The following ADGRA2 variants were observed in gnomAD, a reference collection of about 807,000 sequenced individuals.
The protein encoded by ADGRA2 is adhesion G protein-coupled receptor A2, also known as G-protein coupled receptor 124.
ADGRA2 carries 61 observed loss-of-function variants against 98.7 expected under a neutral mutation model. The observed-to-expected ratio is 0.62, with a 90% confidence interval of 0.50 to 0.76. The LOEUF is 0.76. Ranked by LOEUF, ADGRA2 falls within the 30% of genes least tolerant of loss-of-function variation. ADGRA2 has a pLI of 0.00. For missense variants in ADGRA2, 1,712 were observed against 1,860.0 expected, an observed-to-expected ratio of 0.92 and a Z score of 1.46; for synonymous variants, 858 against 831.5, an observed-to-expected ratio of 1.03 and a Z score of -0.55.
Position 37,830,791 on chromosome 8 carries a change from A to C in ADGRA2, c.800A>C (p.Gln267Pro), listed in dbSNP as rs1585398027. Residue 267 changes from glutamine (Q) to proline (P), a missense_variant, in exon 7 of 19, where the codon CAG (glutamine) becomes CCG (proline). Gln to Pro is a moderately conservative substitution (Grantham distance 76). Coordinates refer to ENST00000412232, the MANE Select transcript of ADGRA2 (RefSeq NM_032777.10). The surrounding 1 kb of genome is among the most constrained non-coding windows in gnomAD (Gnocchi z 4.8). The stretch of plus-strand genomic sequence containing the variant: ...TTCCAGGGGGATCGGCTGCCCTTCC[A>C]GTGCTCTGCCAGCTACCTGGGCAAC... ...VVFQGDRLPFQCSASYLGNDT... is the reference protein window; with the variant it reads ...VVFQGDRLPFPCSASYLGNDT... 1 of 1,595,460 alleles carries C rather than the reference A, an allele frequency of 6.3e-7. No homozygotes were observed. Among genetic ancestry groups the C allele is most frequent in the Non-Finnish European group, 8.5e-7 (1 of 1,171,774 alleles).
rs60565183 is a variant in ADGRA2, at chr8:37,804,100, G to GACACACACACACACACACACACACAC, written c.266+6593_266+6618dup. On this transcript the variant is annotated intron_variant, in intron 1 of 18. Coordinates refer to ENST00000412232, the MANE Select transcript of ADGRA2 (RefSeq NM_032777.10). ...GGAGGGGCCAGCCTGCCCACGGTGA[G>GACACACACACACACACACACACACAC]ACACACACACACACACACACACACA... is the stretch of plus-strand genomic sequence containing the variant. Among the ~76,000 whole-genome samples the GACACACACACACACACACACACACAC allele has an allele frequency of 4.3e-4, 46 of 107,192 alleles. 2 individuals are homozygous for GACACACACACACACACACACACACAC. The highest frequency in any genetic ancestry group is 2.5e-3 in the East Asian group (7 of 2,758). The allele number at this position is 107,192 out of a possible 152,430, so 70.3% of individuals were successfully genotyped here. A position where few individuals can be genotyped will look rare whatever the true frequency, so the allele number is the denominator to read the frequency against.
chr8:37,808,413 G>A (rs1804738683), intron 1 of ADGRA2, among the ~76,000 whole-genome samples: 1 of 152,174 alleles, frequency 6.6e-6, no homozygotes, highest in Non-Finnish European at 1.5e-5. Flanking sequence ...GTTGAAGAGG[G>A]CCGAGGCTGA....
rs1181303930 is a variant in ADGRA2 at position 37,837,854 on chromosome 8, C to T, written c.2174C>T (p.Thr725Ile). 1 of 1,509,110 alleles carries T rather than the reference C, an allele frequency of 6.6e-7. No individual in the cohort carries two copies. Among genetic ancestry groups the T allele is most frequent in the Admixed American group, 2.2e-5 (1 of 45,832 alleles). 93.5% of individuals were successfully genotyped at this position (1,509,110 alleles called of 1,614,324 possible). A position where few individuals can be genotyped will look rare whatever the true frequency, so the allele number is the denominator to read the frequency against. ...GGGCCCGGGGAGGCTGGGGGCTGGA[C>T]CTCGGAGGGCTGCCAGCTCCGCTCC... is the stretch of plus-strand genomic sequence containing the variant. ...QEGPGEAGGW[T>I]SEGCQLRSSQ... Residue 725 changes from threonine to isoleucine, a missense_variant, in exon 14 of 19, where the codon ACC becomes ATC. Coordinates refer to ENST00000412232, the MANE Select transcript of ADGRA2 (RefSeq NM_032777.10).
Position 37,829,849 on chromosome 8 carries a change from A to C in ADGRA2, c.555-2A>C. 6.2e-7 allele frequency: 1 copy of C among 1,609,354 alleles called. No homozygotes were observed. The highest frequency in any genetic ancestry group is 1.1e-5 in the South Asian group (1 of 90,486). ...TCCGTGACCCCTCTGCCCACCCTGC[A>C]GGGACTTGGGCACCGAGTTCCTGAC... On this transcript the variant is annotated splice_acceptor_variant, in intron 5 of 18. Coordinates refer to ENST00000412232, the MANE Select transcript of ADGRA2 (RefSeq NM_032777.10). LOFTEE classifies it high-confidence loss of function.
chr8:37,838,151 A>G (rs1024955235), intron 14 of ADGRA2, among the ~76,000 whole-genome samples: 2 of 152,004 alleles, frequency 1.3e-5, no homozygotes, highest in African/African-American at 4.8e-5. Context: ...TCCGGCCTCC[A>G]TGCCTATATC....
At chr8:37,813,259 G>T (rs1385137025) in intron 1 of ADGRA2, among the ~76,000 whole-genome samples, 1 of 152,086 alleles carries the variant, frequency 6.6e-6, no homozygotes, top group African/African-American at 2.4e-5. Flanking sequence ...CTTTTAAAGA[G>T]CCTGTCACCA....
intron 1 of ADGRA2, among the ~76,000 whole-genome samples, chr8:37,800,679 C>G (rs1168758033): frequency 6.6e-6 from 1 of 152,170 alleles, no homozygotes; most frequent in Non-Finnish European, 1.5e-5. Context: ...AGGTATCGCT[C>G]TCTGAGCCCC....
At chr8:37,831,647 A>T in intron 8 of ADGRA2, 60 bp downstream of exon 8, 8 of 1,478,950 alleles carry the variant, frequency 5.4e-6, no homozygotes, top group Non-Finnish European at 7.5e-6. Context: ...CTTGCACCTG[A>T]CATCACAGGT....
intron 7 of ADGRA2, 146 bp downstream of exon 7, chr8:37,831,069 C>T: frequency 1.6e-6 from 1 of 630,914 alleles, no homozygotes; most frequent in Non-Finnish European, 2.8e-6. Context: ...ACTAAGTTAT[C>T]AATGGTCTAG....
In ADGRA2 at chr8:37,797,126, G is replaced by A; in HGVS notation, c.-143G>A. ...CCCGGGGCGCGGCGGCGGGGACCCC[G>A]GGGCTCGCCTCCGCCCAGGGCCCCC... On this transcript the variant is annotated 5_prime_UTR_variant, in exon 1 of 19. Coordinates refer to ENST00000412232, the MANE Select transcript of ADGRA2 (RefSeq NM_032777.10). This position sits in a 1 kb window ranked among gnomAD's most constrained non-coding sequence, Gnocchi z 5.3. 6.4e-6 allele frequency: 3 copies of A among 467,050 alleles called. 1 individual carries two copies. The East Asian group carries it at 2.0e-4, about 30-fold the overall frequency. The allele number at this position is 467,050 out of a possible 1,614,324, so 28.9% of individuals were successfully genotyped here.
Position 37,842,360 on chromosome 8 carries a change from G to T in ADGRA2, c.*5G>T. On this transcript the variant is annotated 3_prime_UTR_variant, in exon 19 of 19. Coordinates refer to ENST00000412232, the MANE Select transcript of ADGRA2 (RefSeq NM_032777.10). Reference sequence around the variant, plus strand: ...AAGAGCGAAACTACCGTCTAAGGTGGGGCGGGCGACGCGGTAGACGGGCTG... The same window carrying T: ...AAGAGCGAAACTACCGTCTAAGGTGTGGCGGGCGACGCGGTAGACGGGCTG... 6.8e-7 allele frequency: 1 copy of T among 1,464,598 alleles called. No homozygotes were observed. The highest frequency in any genetic ancestry group is 9.0e-7 in the Non-Finnish European group (1 of 1,110,808). The allele number at this position is 1,464,598 out of a possible 1,614,324, so 90.7% of individuals were successfully genotyped here.
At chr8:37,807,804 C>A (rs1019090443) in intron 1 of ADGRA2, among the ~76,000 whole-genome samples, 2 of 152,122 alleles carry the variant, frequency 1.3e-5, no homozygotes, top group African/African-American at 4.8e-5. Flanking sequence ...GGATCAGACT[C>A]CCTAGGGAGT....
At position 37,843,409 on chromosome 8, in the gene ADGRA2, G is replaced by A. The variant is rs1805873916; in HGVS notation, c.*1054G>A. 1 of 152,298 alleles carries A rather than the reference G, an allele frequency of 6.6e-6. No individual in the cohort carries two copies. The highest frequency in any genetic ancestry group is 1.5e-5 in the Non-Finnish European group (1 of 68,104). The allele number at this position is 152,298 out of a possible 1,614,324, so 9.4% of individuals were successfully genotyped here. ...TGTCAAACCAGCTTCCCGACTCCCA[G>A]GAGCTCAAGCCAAGCCCAGAGGCAG... is the stretch of plus-strand genomic sequence containing the variant. On this transcript the variant is annotated 3_prime_UTR_variant, in exon 19 of 19. Coordinates refer to ENST00000412232, the MANE Select transcript of ADGRA2 (RefSeq NM_032777.10).
Position 37,829,498 on chromosome 8 carries a change from G to A in ADGRA2, c.493G>A (p.Gly165Arg), listed in dbSNP as rs1262885491. 1 of 1,613,152 alleles carries A rather than the reference G, an allele frequency of 6.2e-7. No individual in the cohort carries two copies. The highest frequency in any genetic ancestry group is 2.2e-5 in the East Asian group (1 of 44,876). Reference sequence around the variant, plus strand: ...CCCTGTTCCCTGCAGAAACATATCTGGAAACATCTTCTCCAGTCTGCAACC... The same window carrying A: ...CCCTGTTCCCTGCAGAAACATATCTAGAAACATCTTCTCCAGTCTGCAACC... ...LPRLLRLNISGNIFSSLQPGV... is the reference protein window; with the variant it reads ...LPRLLRLNISRNIFSSLQPGV... Residue 165 changes from glycine (G) to arginine (R), a missense_variant, in exon 5 of 19, where the codon GGA becomes AGA. Gly to Arg is a moderately radical substitution (Grantham distance 125). Coordinates refer to ENST00000412232, the MANE Select transcript of ADGRA2 (RefSeq NM_032777.10).
At position 37,829,267 on chromosome 8, in the gene ADGRA2, C is replaced by T; in HGVS notation, c.417C>T (p.Leu139=). The change falls in exon 4 of 19, where the codon CTC becomes CTT. Residue 139 remains leucine, a synonymous_variant. Coordinates refer to ENST00000412232, the MANE Select transcript of ADGRA2 (RefSeq NM_032777.10). ...LGLGELKRLD[L]SNNRIGCLTS... The stretch of plus-strand genomic sequence containing the variant: ...GTTGCCTGTGTCTCTCTAGAGATCT[C>T]TCCAACAACCGGATTGGCTGTCTCA... 1 of 1,613,608 alleles carries T rather than the reference C, an allele frequency of 6.2e-7. No homozygotes were observed. Among genetic ancestry groups the T allele is most frequent in the Non-Finnish European group, 8.5e-7 (1 of 1,179,676 alleles).
chr8:37,828,606 T>A (rs1460192520), intron 2 of ADGRA2, among the ~76,000 whole-genome samples: 3 of 150,242 alleles, frequency 2.0e-5, no homozygotes, highest in Admixed American at 6.7e-5. Flanking sequence ...CCTGCCTAGC[T>A]GGGGCTACAG....
intron 18 of ADGRA2, 26 bp downstream of exon 18, chr8:37,840,875 AG>A: frequency 1.1e-6 from 1 of 944,612 alleles, no homozygotes; most frequent in Non-Finnish European, 1.6e-6. Context: ...TCCCGCCCCA[AG>A]CCTACCTACC....
At position 37,830,914 on chromosome 8, in the gene ADGRA2, T is replaced by C; in HGVS notation, c.923T>C (p.Phe308Ser). ...LAESLIHDCT[F>S]ITSELTLSHI... ...GAGAGCCTCATCCACGACTGCACCT[T>C]CATCACCAGGTATGAGCCCCGCTGC... Residue 308 changes from phenylalanine to serine, a missense_variant, in exon 7 of 19, where the codon TTC (phenylalanine) becomes TCC (serine). Coordinates refer to ENST00000412232, the MANE Select transcript of ADGRA2 (RefSeq NM_032777.10). The surrounding 1 kb of genome is among the most constrained non-coding windows in gnomAD (Gnocchi z 4.8). The C allele has an allele frequency of 6.3e-7, 1 of 1,575,222 alleles. No homozygotes were observed. Among genetic ancestry groups the C allele is most frequent in the Non-Finnish European group, 8.6e-7 (1 of 1,160,104 alleles).
At chr8:37,831,358 T>C in intron 7 of ADGRA2, 65 bp from the exon 8 acceptor site, 5 of 1,513,570 alleles carry the variant, frequency 3.3e-6, no homozygotes, top group South Asian at 1.1e-5. Context: ...AGGACGGTGC[T>C]GAGGGAGGGC....
Sources: allele counts gnomAD v4.1 joint callset (sites outside exome capture counted in the v4.1 genomes callset), GRCh38; gene constraint gnomAD v4.1.1; non-coding constraint Gnocchi (gnomAD v3.1); transcripts MANE v1.5; gene names NCBI Gene and HGNC (gene_info 2026-07-23, HGNC 2026-07-21).